SNRNP40: variants seen among roughly 807,000 people sequenced by gnomAD.
SNRNP40 encodes the protein U5 small nuclear ribonucleoprotein 40 kDa protein.
Under a neutral mutation model 45.8 loss-of-function variants are expected in SNRNP40, and 21 were observed. The ratio of observed to expected loss-of-function variants is 0.46; its 90% CI spans 0.32 to 0.66. The LOEUF is 0.66. Ranked by LOEUF, SNRNP40 falls within the 30% of genes least tolerant of loss-of-function variation. The probability of loss-of-function intolerance (pLI) is 0.03; values close to 1 mark genes in which losing one functional copy is unlikely to be tolerated. For missense variants in SNRNP40, 344 were observed against 439.1 expected, an observed-to-expected ratio of 0.78 and a Z score of 1.94; for synonymous variants, 142 against 163.8, an observed-to-expected ratio of 0.87 and a Z score of 1.01.
At chr1:31,281,578 G>A in intron 4 of SNRNP40, 82 bp from the exon 5 acceptor site, 1 of 1,266,926 alleles carries the variant, frequency 7.9e-7, no homozygotes, top group Non-Finnish European at 1.1e-6. Context: ...TAAGTACGAG[G>A]ACTTTGTGGA....
chr1:31,261,803 T>A (rs950669796), intron 8 of SNRNP40, 171 bp from the exon 9 acceptor site: 2 of 507,724 alleles, frequency 3.9e-6, no homozygotes, highest in African/African-American at 3.9e-5. Context: ...AGACATGGAC[T>A]CACCTCTTGA....
intron 5 of SNRNP40, among the ~76,000 whole-genome samples, chr1:31,274,220 A>G (rs928087844): frequency 3.9e-5 from 6 of 152,144 alleles, no homozygotes; most frequent in African/African-American, 1.4e-4. Flanking sequence ...TATATTCTGG[A>G]AAGATCCTTC....
chr1:31,286,211 T>A (rs575403250), intron 4 of SNRNP40, among the ~76,000 whole-genome samples: 1 of 152,340 alleles, frequency 6.6e-6, no homozygotes, highest in South Asian at 2.1e-4. Flanking sequence ...TTTTTCTATA[T>A]GTTTCTATAT....
rs962358799 is a variant in SNRNP40, at chr1:31,259,976, A to G, written c.*96T>C. ...TTTCTTGCTAGCAATGGTCATCTGA[A>G]GGGAGGGTGCTAGCCTGGACATCCA... On this transcript the variant is annotated 3_prime_UTR_variant, in exon 10 of 10. Coordinates refer to ENST00000263694, the MANE Select transcript of SNRNP40 (RefSeq NM_004814.3). 1 of 896,038 alleles carries G rather than the reference A, an allele frequency of 1.1e-6. No homozygotes were observed. The highest frequency in any genetic ancestry group is 1.9e-6 in the Non-Finnish European group (1 of 528,960). 55.5% of individuals were successfully genotyped at this position (896,038 alleles called of 1,614,324 possible).
intron 5 of SNRNP40, among the ~76,000 whole-genome samples, chr1:31,280,163 T>C (rs1340566756): frequency 7.0e-6 from 1 of 143,626 alleles, no homozygotes; most frequent in African/African-American, 2.6e-5. Flanking sequence ...AGCAAGGATA[T>C]TCCTTTCTTT....
intron 8 of SNRNP40, among the ~76,000 whole-genome samples, chr1:31,264,942 A>G (rs1645886108): frequency 6.6e-6 from 1 of 152,166 alleles, no homozygotes; most frequent in Non-Finnish European, 1.5e-5. Flanking sequence ...TAGATGCTAA[A>G]TTTAGAGGGG....
chr1:31,290,776 G>A (rs1055059749), intron 3 of SNRNP40, among the ~76,000 whole-genome samples: 2 of 152,104 alleles, frequency 1.3e-5, no homozygotes, highest in African/African-American at 4.8e-5. Context: ...TACTCAGGAG[G>A]CTGAGGCAGG....
At chr1:31,264,171 A>C (rs773663641) in intron 8 of SNRNP40, among the ~76,000 whole-genome samples, 1 of 152,198 alleles carries the variant, frequency 6.6e-6, no homozygotes, top group Non-Finnish European at 1.5e-5. Flanking sequence ...TTCTAATCCA[A>C]CTTACACTTT....
At chr1:31,289,628 TG>T (rs1469999055) in intron 3 of SNRNP40, among the ~76,000 whole-genome samples, 2 of 152,208 alleles carry the variant, frequency 1.3e-5, no homozygotes, top group Non-Finnish European at 2.9e-5. Flanking sequence ...TCTACCCCTG[TG>T]AAGTTTAAAA....
chr1:31,266,194 G>T (rs1318704932), intron 8 of SNRNP40, among the ~76,000 whole-genome samples: 1 of 152,108 alleles, frequency 6.6e-6, no homozygotes, highest in Non-Finnish European at 1.5e-5. Flanking sequence ...GAAAGGTATG[G>T]GACAGATCAC....
At chr1:31,281,843 G>A (rs1031632950) in intron 4 of SNRNP40, 4 of 168,276 alleles carry the variant, frequency 2.4e-5, no homozygotes, top group African/African-American at 9.5e-5. Flanking sequence ...TCAAACCGTA[G>A]AGACTAATTC....
At chr1:31,273,729 A>C in intron 5 of SNRNP40, among the ~76,000 whole-genome samples, 1 of 152,184 alleles carries the variant, frequency 6.6e-6, no homozygotes, top group East Asian at 1.9e-4. Context: ...GCATCTGATT[A>C]GTGGCAGGTA....
At chr1:31,292,083 T>C (rs10733007) in intron 2 of SNRNP40, 77 bp from the exon 3 acceptor site, 959,728 of 965,770 alleles carry the variant, frequency 0.99, 477,080 homozygotes, top group East Asian at 1. Context: ...AGTTCTCAGG[T>C]CAGGCACGGT....
chr1:31,281,452 G>A lies in SNRNP40; in HGVS notation c.576C>T (p.Asn192=). The change falls in exon 5 of 10, where the codon AAC becomes AAT. Residue 192 remains asparagine (N), a synonymous_variant. Coordinates refer to ENST00000263694, the MANE Select transcript of SNRNP40 (RefSeq NM_004814.3). ...AGGTCACAGCTAACACCTGGTACGT[G>A]TTCTGAAATGTCTGGATGGCTGCTT... ...RKKAAIQTFQ[N]TYQVLAVTFN... is the part of the protein sequence containing the mutation. The A allele has an allele frequency of 1.2e-6, 2 of 1,609,542 alleles. No homozygotes were observed. Among genetic ancestry groups the A allele is most frequent in the Non-Finnish European group, 1.7e-6 (2 of 1,176,100 alleles).
At chr1:31,279,377 C>T (rs746885845) in intron 5 of SNRNP40, among the ~76,000 whole-genome samples, 17 of 152,336 alleles carry the variant, frequency 1.1e-4, no homozygotes, top group Non-Finnish European at 2.4e-4. Flanking sequence ...GCTCTGAGAA[C>T]AACAACTGGC....
chr1:31,291,785 T>G, intron 3 of SNRNP40, 128 bp downstream of exon 3: 1 of 644,036 alleles, frequency 1.6e-6, no homozygotes, highest in Non-Finnish European at 2.8e-6. Flanking sequence ...CAGTGATAAA[T>G]CGGATACTAA....
intron 9 of SNRNP40, chr1:31,261,277 G>C: frequency 2.2e-6 from 1 of 464,134 alleles, no homozygotes; most frequent in Non-Finnish European, 3.9e-6. Flanking sequence ...CTTGAACCCA[G>C]GAGGCAGAGG....
In SNRNP40 at chr1:31,293,261, T is replaced by TG. The variant is rs1195228871; in HGVS notation, c.228dup (p.Asn77GlnfsTer11). On this transcript the variant is annotated frameshift_variant, in exon 2 of 10. Coordinates refer to ENST00000263694, the MANE Select transcript of SNRNP40 (RefSeq NM_004814.3). LOFTEE classifies it high-confidence loss of function. ...CCTGCAGATGCTAAGGTGGATCCGT[T>TG]GGGGTGGAACTTGCAGCAGTAGACT... 1 of 1,613,914 alleles carries TG rather than the reference T, an allele frequency of 6.2e-7. No individual in the cohort carries two copies. The highest frequency in any genetic ancestry group is 8.5e-7 in the Non-Finnish European group (1 of 1,180,010).
intron 5 of SNRNP40, among the ~76,000 whole-genome samples, chr1:31,279,413 A>G (rs7549343): frequency 0.55 from 83,272 of 152,078 alleles, 23,764 homozygotes; most frequent in Non-Finnish European, 0.63. Context: ...TGTGTTAGAT[A>G]ATGATGATAA....
Sources: gnomAD v4.1 joint callset for allele counts (sites outside exome capture counted in the v4.1 genomes callset) on GRCh38, gnomAD v4.1.1 for gene constraint, MANE v1.5 for transcripts, NCBI Gene and HGNC (gene_info 2026-07-23, HGNC 2026-07-21) for gene names.